The following LRRIQ1 variants were observed in gnomAD, a reference collection of about 807,000 sequenced individuals.
LRRIQ1 encodes leucine-rich repeat- and IQ domain-containing protein 1.
LRRIQ1 carries 210 observed loss-of-function variants against 211.9 expected under a neutral mutation model. That is an observed-to-expected ratio of 0.99 (90% CI 0.89 to 1.11). The LOEUF (loss-of-function observed/expected upper bound fraction) is 1.11. LRRIQ1 is among the 50% of genes most tolerant of loss of function. LRRIQ1 has a pLI of 0.00. For missense variants in LRRIQ1, 2,136 were observed against 1,939.5 expected, an observed-to-expected ratio of 1.10 and a Z score of -1.90; for synonymous variants, 699 against 650.1, an observed-to-expected ratio of 1.08 and a Z score of -1.14.
chr12:85,161,168 C>G (rs951079090), intron 24 of LRRIQ1, among the ~76,000 whole-genome samples: 3 of 151,998 alleles, frequency 2.0e-5, no homozygotes, highest in Non-Finnish European at 2.9e-5. Context: ...GCCCAACTCA[C>G]TGTTGGAGTG....
At chr12:85,046,503 C>A (rs114462037) in intron 5 of LRRIQ1, among the ~76,000 whole-genome samples, 395 of 152,278 alleles carry the variant, frequency 2.6e-3, no homozygotes, top group African/African-American at 9.0e-3. Flanking sequence ...ACTTTATTCA[C>A]TTTGGTGAAA....
At chr12:85,162,333 G>T (rs1890928839) in intron 24 of LRRIQ1, among the ~76,000 whole-genome samples, 1 of 151,966 alleles carries the variant, frequency 6.6e-6, no homozygotes, top group African/African-American at 2.4e-5. Flanking sequence ...ATATTTCATT[G>T]TTATAGTCTT....
intron 24 of LRRIQ1, among the ~76,000 whole-genome samples, chr12:85,216,239 A>G (rs1276292877): frequency 6.6e-6 from 1 of 151,548 alleles, no homozygotes; most frequent in Non-Finnish European, 1.5e-5. Context: ...TTCTCGTTCA[A>G]CTCCCACTTA....
intron 11 of LRRIQ1, among the ~76,000 whole-genome samples, chr12:85,082,273 T>C (rs1399789239): frequency 6.6e-6 from 1 of 152,186 alleles, no homozygotes; most frequent in Non-Finnish European, 1.5e-5. Context: ...CAGTTAAGAA[T>C]GCTATCGGTT....
At chr12:85,100,561 CA>C (rs1181777730) in intron 13 of LRRIQ1, among the ~76,000 whole-genome samples, 2 of 151,576 alleles carry the variant, frequency 1.3e-5, no homozygotes, top group African/African-American at 4.8e-5. Flanking sequence ...AGCATTTTGG[CA>C]TAAAAGAACT....
chr12:85,055,163 T>C (rs1420260722), intron 7 of LRRIQ1, among the ~76,000 whole-genome samples: 1 of 152,092 alleles, frequency 6.6e-6, no homozygotes, highest in African/African-American at 2.4e-5. Context: ...ATCAGAACTC[T>C]CATTCCAGAA....
chr12:85,054,829 G>T (rs910498617), intron 7 of LRRIQ1, among the ~76,000 whole-genome samples: 6 of 151,314 alleles, frequency 4.0e-5, no homozygotes, highest in Non-Finnish European at 5.9e-5. Context: ...CTCAGAAATT[G>T]GTTCTTCCTT....
At chr12:85,076,268 G>A (rs1883641787) in intron 11 of LRRIQ1, among the ~76,000 whole-genome samples, 2 of 151,540 alleles carry the variant, frequency 1.3e-5, no homozygotes, top group African/African-American at 2.4e-5. Flanking sequence ...TAATATCATA[G>A]TGATATACAT....
At chr12:85,142,332 C>A (rs958151207) in intron 19 of LRRIQ1, among the ~76,000 whole-genome samples, 1 of 151,302 alleles carries the variant, frequency 6.6e-6, no homozygotes, top group African/African-American at 2.4e-5. Flanking sequence ...TGGTAAATAT[C>A]TTTCATTAGT....
At chr12:85,134,178 G>T (rs1358026710) in intron 18 of LRRIQ1, among the ~76,000 whole-genome samples, 2 of 152,096 alleles carry the variant, frequency 1.3e-5, no homozygotes, top group Non-Finnish European at 2.9e-5. Context: ...CAGAACAAGG[G>T]TATAAGGAAT....
intron 11 of LRRIQ1, among the ~76,000 whole-genome samples, chr12:85,096,250 G>T (rs1213420165): frequency 1.3e-5 from 2 of 152,122 alleles, no homozygotes; most frequent in East Asian, 3.9e-4. Context: ...TAGGCATGAT[G>T]TTAAATTGTT....
At position 85,103,991 on chromosome 12, in the gene LRRIQ1, T is replaced by C; in HGVS notation, c.3210-13T>C. On this transcript the variant is annotated splice_polypyrimidine_tract_variant and intron_variant, in intron 13 of 26. Coordinates refer to ENST00000393217, the MANE Select transcript of LRRIQ1 (RefSeq NM_001079910.2). ...ATTTAGAATTTTGATGAAGTTTTTG[T>C]TTTTGTTTTCAGCTTGACTAAAATC... 1.3e-6 allele frequency: 2 copies of C among 1,545,164 alleles called. No homozygotes were observed. The highest frequency in any genetic ancestry group is 1.8e-6 in the Non-Finnish European group (2 of 1,137,706).
intron 11 of LRRIQ1, among the ~76,000 whole-genome samples, chr12:85,089,065 T>C (rs1419436220): frequency 6.6e-6 from 1 of 152,220 alleles, no homozygotes; most frequent in African/African-American, 2.4e-5. Flanking sequence ...CAGTGTGATA[T>C]TGGCTCTGGG....
At chr12:85,251,749 G>A (rs1014459185) in intron 1 of LRRIQ1, among the ~76,000 whole-genome samples, 3 of 148,082 alleles carry the variant, frequency 2.0e-5, no homozygotes, top group African/African-American at 5.2e-5. Context: ...AGACATATAT[G>A]TGTATTTTGG....
At chr12:85,110,384 A>G (rs978882521) in intron 15 of LRRIQ1, among the ~76,000 whole-genome samples, 2 of 152,262 alleles carry the variant, frequency 1.3e-5, no homozygotes, top group Admixed American at 1.3e-4. Flanking sequence ...AATCTATACA[A>G]TATGCCTAAT....
chr12:85,039,607 A>C (rs1878620891), intron 2 of LRRIQ1, among the ~76,000 whole-genome samples: 1 of 151,704 alleles, frequency 6.6e-6, no homozygotes. Context: ...TAAACACTGA[A>C]TTCCATTAGT....
At chr12:85,100,431 TA>T (rs1886262036) in intron 13 of LRRIQ1, among the ~76,000 whole-genome samples, 1 of 151,738 alleles carries the variant, frequency 6.6e-6, no homozygotes, top group Non-Finnish European at 1.5e-5. Flanking sequence ...TTGGAATGAT[TA>T]ATACAAATGT....
chr12:85,101,274 A>G (rs1347411342), intron 13 of LRRIQ1, among the ~76,000 whole-genome samples: 1 of 151,764 alleles, frequency 6.6e-6, no homozygotes, highest in Non-Finnish European at 1.5e-5. Context: ...TACTTAGTAC[A>G]TATTGTTTGA....
chr12:85,228,743 T>C (rs1894789542), intron 24 of LRRIQ1, among the ~76,000 whole-genome samples: 1 of 152,224 alleles, frequency 6.6e-6, no homozygotes, highest in African/African-American at 2.4e-5. Context: ...CCATGCTTTA[T>C]TCATTTTCCA....
Sources: allele counts gnomAD v4.1 joint callset (sites outside exome capture counted in the v4.1 genomes callset), GRCh38; gene constraint gnomAD v4.1.1; transcripts MANE v1.5; gene names NCBI Gene and HGNC (gene_info 2026-07-23, HGNC 2026-07-21).